Variants in ETV5 observed in about 807,000 individuals in gnomAD.
ETV5 encodes ETS variant transcription factor 5, also known as ETS translocation variant 5.
In ETV5, 10 loss-of-function variants were observed where a neutral mutation model predicts 70.0. The ratio of observed to expected loss-of-function variants is 0.14; its 90% CI spans 0.09 to 0.24. ETV5 has a LOEUF of 0.24. Ranked by LOEUF, ETV5 falls within the 10% of genes least tolerant of loss-of-function variation. The pLI is 1.00. For missense variants in ETV5, 453 were observed against 651.2 expected, an observed-to-expected ratio of 0.70 and a Z score of 3.31; for synonymous variants, 216 against 242.2, an observed-to-expected ratio of 0.89 and a Z score of 1.01.
rs1157936707 is a variant in ETV5, at chr3:186,046,466, A to AAC, written c.*2172_*2173insGT. ...GCACTGTAGACTTTCCACACTCTGG[A>AAC]AAAGAAGCAAACAAACAAACCCCAA... On this transcript the variant is annotated 3_prime_UTR_variant, in exon 13 of 13. Transcript: ENST00000306376. The AAC allele has an allele frequency of 1.3e-5, 3 of 231,138 alleles. No individual in the cohort carries two copies. Among genetic ancestry groups the AAC allele is most frequent in the Non-Finnish European group, 2.6e-5 (3 of 116,628 alleles). The allele number at this position is 231,138 out of a possible 1,614,324, so 14.3% of individuals were successfully genotyped here. A position where few individuals can be genotyped will look rare whatever the true frequency, so the allele number is the denominator to read the frequency against.
intron 9 of ETV5, among the ~76,000 whole-genome samples, chr3:186,061,770 C>G (rs1437241357): frequency 1.3e-5 from 2 of 152,178 alleles, no homozygotes; most frequent in Non-Finnish European, 2.9e-5. Flanking sequence ...TACCAGGGCT[C>G]CTTTCCATCA....
intron 7 of ETV5, among the ~76,000 whole-genome samples, chr3:186,075,453 G>C (rs1242807647): frequency 6.6e-6 from 1 of 152,140 alleles, no homozygotes; most frequent in Non-Finnish European, 1.5e-5. Context: ...AACTTTAAGA[G>C]AGGAAGAAAA....
In ETV5 at chr3:186,052,947, G is replaced by T. The variant is rs2150141186; in HGVS notation, c.1210-816C>A. On this transcript the variant is annotated intron_variant, in intron 11 of 12. Transcript: ENST00000306376. The surrounding 1 kb of genome is among the most constrained non-coding windows in gnomAD (Gnocchi z 4.5). The stretch of plus-strand genomic sequence containing the variant: ...TCAGCTTCCAAAATCCTACTTATGA[G>T]AATGACTGTCAAGGTAGTAGAATAA... Among the ~76,000 whole-genome samples the T allele has an allele frequency of 6.6e-6, 1 of 152,056 alleles. No homozygotes were observed.
chr3:186,106,925 A>G (rs1714602537), intron 1 of ETV5: 1 of 984,416 alleles, frequency 1.0e-6, no homozygotes, highest in African/African-American at 1.7e-5. Context: ...CAAAAGGTGG[A>G]AAAACATTAA....
intron 7 of ETV5, chr3:186,076,277 G>C (rs1044797427): frequency 4.8e-6 from 1 of 209,934 alleles, no homozygotes; most frequent in Non-Finnish European, 9.7e-6. Context: ...CATTAAGAAT[G>C]TACTTTTTTC....
intron 5 of ETV5, among the ~76,000 whole-genome samples, chr3:186,089,529 G>A (rs2150151879): frequency 6.6e-6 from 1 of 152,276 alleles, no homozygotes; most frequent in African/African-American, 2.4e-5. Context: ...ATCTCCATCT[G>A]TGTCACTCTG....
chr3:186,105,275 C>T lies in ETV5; in HGVS notation c.232+30G>A. 6.3e-7 allele frequency: 1 copy of T among 1,596,180 alleles called. No individual in the cohort carries two copies. Among genetic ancestry groups the T allele is most frequent in the Non-Finnish European group, 8.5e-7 (1 of 1,171,112 alleles). The stretch of plus-strand genomic sequence containing the variant: ...GATCTAAGACCAAACAATTTCAGAA[C>T]AAATGTGCCATCACCAGAAAGGTAC... On this transcript the variant is annotated intron_variant, in intron 5 of 12. Coordinates refer to ENST00000306376, the MANE Select transcript of ETV5 (RefSeq NM_004454.3). The surrounding 1 kb of genome is among the most constrained non-coding windows in gnomAD (Gnocchi z 4.5).
At chr3:186,108,312 C>T in intron 1 of ETV5, 2 of 455,728 alleles carry the variant, frequency 4.4e-6, no homozygotes, top group Middle Eastern at 3.6e-4. Context: ...CGGTGCGCCC[C>T]GATTTTCTCG....
intron 5 of ETV5, among the ~76,000 whole-genome samples, chr3:186,086,201 GTAATT>G (rs1366602302): frequency 6.6e-6 from 1 of 152,206 alleles, no homozygotes; most frequent in Admixed American, 6.5e-5. Context: ...CTGATAAGAT[GTAATT>G]AAGTCCATAT....
intron 12 of ETV5, among the ~76,000 whole-genome samples, chr3:186,050,538 G>A (rs559301021): frequency 1.9e-4 from 29 of 152,212 alleles, no homozygotes; most frequent in South Asian, 1.2e-3. Flanking sequence ...TGGGTATGGC[G>A]TTTCTTTTTG....
chr3:186,063,915 AAAAACCTAG>A (rs1682574322), intron 9 of ETV5, among the ~76,000 whole-genome samples: 1 of 152,218 alleles, frequency 6.6e-6, no homozygotes, highest in East Asian at 1.9e-4. Flanking sequence ...AAACTAAGTA[AAAAACCTAG>A]AGACACATTT....
At chr3:186,087,370 G>A (rs1177642049) in intron 5 of ETV5, among the ~76,000 whole-genome samples, 2 of 152,210 alleles carry the variant, frequency 1.3e-5, no homozygotes, top group Non-Finnish European at 2.9e-5. Context: ...GGGGGCACAG[G>A]AGTCTTCTTA....
At chr3:186,058,522 G>A (rs1174551456) in intron 9 of ETV5, among the ~76,000 whole-genome samples, 1 of 152,156 alleles carries the variant, frequency 6.6e-6, no homozygotes, top group Non-Finnish European at 1.5e-5. Context: ...ATGCAGTGGG[G>A]GCAGGCAGGT....
intron 5 of ETV5, among the ~76,000 whole-genome samples, chr3:186,090,479 C>T (rs1189957768): frequency 6.6e-6 from 1 of 152,168 alleles, no homozygotes; most frequent in Non-Finnish European, 1.5e-5. Flanking sequence ...AAAATAACAC[C>T]TATCAGTAAC....
Position 186,079,899 on chromosome 3 carries a change from T to C in ETV5, c.568A>G (p.Thr190Ala), listed in dbSNP as rs1713888706. Reference sequence around the variant, plus strand: ...TGTGGTGGTCGGGGGACCGCAAATGTTTGCTGCTGTGGTCCAGGCTCTGGA... The same window carrying C: ...TGTGGTGGTCGGGGGACCGCAAATGCTTGCTGCTGTGGTCCAGGCTCTGGA... ...SLPEPGPQQQTFAVPRPPHQP... is the reference protein window; with the variant it reads ...SLPEPGPQQQAFAVPRPPHQP... Residue 190 changes from threonine to alanine, a missense_variant, in exon 7 of 13, where the codon ACA becomes GCA. Around this residue, in one of 4 missense-constraint regions of ETV5, gnomAD observed 307 missense variants for 344.9 expected, o/e 0.89. Transcript: ENST00000306376. 3 of 1,607,416 alleles carry C rather than the reference T, an allele frequency of 1.9e-6. No individual in the cohort carries two copies. Among genetic ancestry groups the C allele is most frequent in the Non-Finnish European group, 2.5e-6 (3 of 1,177,274 alleles).
chr3:186,076,301 T>A (rs926626657), intron 7 of ETV5: 38 of 203,274 alleles, frequency 1.9e-4, no homozygotes, highest in Middle Eastern at 1.6e-3. Flanking sequence ...CTTCATTATT[T>A]TCTTAGAGAT....
Position 186,105,528 on chromosome 3 carries a change from G to C in ETV5, c.134-32C>G, listed in dbSNP as rs1714566699. The C allele has an allele frequency of 6.2e-7, 1 of 1,613,604 alleles. No homozygotes were observed. The highest frequency in any genetic ancestry group is 1.3e-5 in the African/African-American group (1 of 74,894). ...TTGAAAAAGAAGACCCCAGAATGAG[G>C]ATATTTCTTTCGCTAGGGAGAAGAC... On this transcript the variant is annotated intron_variant, in intron 3 of 12. Transcript: ENST00000306376. This position sits in a 1 kb window ranked among gnomAD's most constrained non-coding sequence, Gnocchi z 4.5.
intron 8 of ETV5, among the ~76,000 whole-genome samples, chr3:186,065,207 C>A (rs1163017830): frequency 2.0e-5 from 3 of 152,114 alleles, no homozygotes; most frequent in Non-Finnish European, 4.4e-5. Context: ...GATATGGTAA[C>A]CTCTGTTGAG....
At chr3:186,077,872 C>G in intron 7 of ETV5, 1 of 390,204 alleles carries the variant, frequency 2.6e-6, no homozygotes. Context: ...TGTATCACCC[C>G]AGTGTGTGTG....
Sources: gnomAD v4.1 joint callset for allele counts (sites outside exome capture counted in the v4.1 genomes callset) on GRCh38, gnomAD v4.1.1 for gene constraint, gnomAD v4.1.1 regional missense constraint, Gnocchi (gnomAD v3.1) non-coding constraint, MANE v1.5 for transcripts, NCBI Gene and HGNC (gene_info 2026-07-23, HGNC 2026-07-21) for gene names.